Variants in PCM1 observed in about 807,000 individuals in gnomAD.
PCM1 encodes the protein pericentriolar material 1 protein.
Under a neutral mutation model 241.9 loss-of-function variants are expected in PCM1, and 157 were observed. The ratio of observed to expected loss-of-function variants is 0.65; its 90% confidence interval spans 0.57 to 0.74. The LOEUF (loss-of-function observed/expected upper bound fraction) is 0.74. PCM1 is among the 30% of genes least tolerant of loss of function. The probability of loss-of-function intolerance (pLI) is 0.00; values close to 1 mark genes in which losing one functional copy is unlikely to be tolerated. For synonymous variants in PCM1, 1,085 were observed against 784.9 expected (o/e 1.38, Z -6.39); for missense variants, 3,478 against 2,360.1 (o/e 1.47, Z -9.81).
intron 31 of PCM1, among the ~76,000 whole-genome samples, chr8:18,010,317 G>A (rs747961051): frequency 1.3e-5 from 2 of 152,142 alleles, no homozygotes; most frequent in Admixed American, 1.3e-4. Context: ...AAGGAAACAA[G>A]CCAAGACCCA....
intron 32 of PCM1, 36 bp downstream of exon 32, chr8:18,010,704 TG>T: frequency 6.8e-7 from 1 of 1,469,124 alleles, no homozygotes. Context: ...AAAATATGGC[TG>T]GGCGCGGTGG....
At chr8:18,008,180 C>G (rs907804306) in intron 30 of PCM1, among the ~76,000 whole-genome samples, 24 of 152,090 alleles carry the variant, frequency 1.6e-4, no homozygotes, top group African/African-American at 5.8e-4. Context: ...TTTACAGTCC[C>G]TCCCCACGGC....
At chr8:17,958,025 G>A (rs535530393) in intron 13 of PCM1, among the ~76,000 whole-genome samples, 3 of 152,114 alleles carry the variant, frequency 2.0e-5, no homozygotes, top group Admixed American at 2.0e-4. Context: ...CAATGCAAAA[G>A]CAGCCATACA....
At chr8:18,011,137 T>G in intron 32 of PCM1, 100 bp from the exon 33 acceptor site, 1 of 769,406 alleles carries the variant, frequency 1.3e-6, no homozygotes. Flanking sequence ...TTCTTTGTAT[T>G]TTTTATTAGA....
intron 29 of PCM1, 39 bp from the exon 30 acceptor site, chr8:18,006,211 TTTTTTAAACAATA>T: frequency 2.1e-6 from 3 of 1,429,312 alleles, no homozygotes; most frequent in East Asian, 4.9e-5. Flanking sequence ...TTGATTTTCT[TTTTTTAAACAATA>T]GGTAAGTTTA....
Position 17,937,306 on chromosome 8 carries a change from G to C in PCM1, c.269G>C (p.Ser90Thr), listed in dbSNP as rs369932476. 47 of 1,609,608 alleles carry C rather than the reference G, an allele frequency of 2.9e-5. No homozygotes were observed. The highest frequency in any genetic ancestry group is 3.9e-5 in the Non-Finnish European group (46 of 1,177,144). The change falls in exon 4 of 39, where the codon AGT (serine) becomes ACT (threonine). Residue 90 changes from serine to threonine, a missense_variant. Coordinates refer to ENST00000325083, the MANE Select transcript of PCM1 (RefSeq NM_006197.4). ...ACGTTCCCACACAGTAGATACATGAGTCAGATGTCTGTCCCAGAGCAGGCA... is the reference window on the plus strand; with the variant it reads ...ACGTTCCCACACAGTAGATACATGACTCAGATGTCTGTCCCAGAGCAGGCA... ...PHTFPHSRYM[S>T]QMSVPEQAEL...
At chr8:17,949,344 C>T (rs117776347) in intron 7 of PCM1, among the ~76,000 whole-genome samples, 1 of 151,952 alleles carries the variant, frequency 6.6e-6, no homozygotes, top group Non-Finnish European at 1.5e-5. Context: ...TAACAAGTTA[C>T]ATATAATTAC....
chr8:17,928,646 A>C (rs1417265890), intron 2 of PCM1, among the ~76,000 whole-genome samples: 4 of 90,836 alleles, frequency 4.4e-5, no homozygotes, highest in South Asian at 3.5e-4. Flanking sequence ...TTTTTTTTTA[A>C]AGTGAGGCGG....
At chr8:17,941,173 A>G (rs2061907751) in intron 6 of PCM1, among the ~76,000 whole-genome samples, 1 of 152,126 alleles carries the variant, frequency 6.6e-6, no homozygotes, top group Non-Finnish European at 1.5e-5. Flanking sequence ...TTTTCTATTT[A>G]CAGTGGTGCG....
intron 15 of PCM1, among the ~76,000 whole-genome samples, chr8:17,961,190 G>T (rs1394972682): frequency 6.6e-6 from 1 of 151,892 alleles, no homozygotes; most frequent in Non-Finnish European, 1.5e-5. Context: ...CTTATACATG[G>T]GTCTTGAGAT....
chr8:17,966,240 T>C (rs1266216019), intron 19 of PCM1, 22 bp downstream of exon 19: 14 of 1,608,628 alleles, frequency 8.7e-6, no homozygotes, highest in Non-Finnish European at 1.2e-5. Flanking sequence ...TATGAAAGTA[T>C]ATTTTTCGTC....
chr8:17,935,382 C>T (rs945455587), intron 2 of PCM1, among the ~76,000 whole-genome samples: 11 of 152,222 alleles, frequency 7.2e-5, no homozygotes, highest in African/African-American at 2.7e-4. Context: ...TCCTTTCCTT[C>T]TCTGTCATTC....
chr8:17,977,776 G>T (rs1364391354), intron 23 of PCM1, among the ~76,000 whole-genome samples: 1 of 152,182 alleles, frequency 6.6e-6, no homozygotes, highest in African/African-American at 2.4e-5. Context: ...TCCTCTCATT[G>T]TCTTGATGAG....
rs543144578 is a variant in PCM1 at position 17,956,743 on chromosome 8, G to A, written c.1612G>A (p.Glu538Lys). The A allele has an allele frequency of 3.1e-6, 5 of 1,608,960 alleles. No individual in the cohort carries two copies. The South Asian group carries it at 4.4e-5, about 14-fold the overall frequency. ...EETEESEYDS[E>K]HENSEPVTNI... ...AACTGAAGAGTCAGAATATGATTCT[G>A]AGCATGAAAATTCCGAGCCTGTTAC... Residue 538 changes from glutamate to lysine, a missense_variant, in exon 11 of 39, where the codon GAG (glutamate) becomes AAG (lysine). By Grantham distance (56) the Glu-to-Lys change is moderately conservative (BLOSUM62 1). Coordinates refer to ENST00000325083, the MANE Select transcript of PCM1 (RefSeq NM_006197.4).
chr8:18,022,708 T>C (rs2093853800), intron 36 of PCM1, among the ~76,000 whole-genome samples: 1 of 152,224 alleles, frequency 6.6e-6, no homozygotes, highest in Non-Finnish European at 1.5e-5. Context: ...TCTCCCTATA[T>C]GCAGTCAGAC....
At chr8:17,984,518 T>TA (rs1291999173) in intron 24 of PCM1, among the ~76,000 whole-genome samples, 3 of 151,688 alleles carry the variant, frequency 2.0e-5, no homozygotes, top group Non-Finnish European at 4.4e-5. Flanking sequence ...ATTGATATCT[T>TA]ATATTAGTAA....
chr8:17,966,318 C>G lies in PCM1; in HGVS notation c.3076-10C>G, dbSNP rs1179041173. 5 of 1,612,982 alleles carry G rather than the reference C, an allele frequency of 3.1e-6. No homozygotes were observed. In the Admixed American group the frequency reaches 5.0e-5, roughly 16 times the overall value. On this transcript the variant is annotated splice_polypyrimidine_tract_variant and intron_variant, in intron 19 of 38. Transcript: ENST00000325083. ...ATCAGTAACTATTAACAAACATTTT[C>G]TTTCAATAGACTCTATCTTGTCTGC... is the stretch of plus-strand genomic sequence containing the variant.
intron 36 of PCM1, among the ~76,000 whole-genome samples, chr8:18,023,034 AGT>A (rs1208288127): frequency 6.6e-6 from 1 of 152,192 alleles, no homozygotes; most frequent in Non-Finnish European, 1.5e-5. Flanking sequence ...TCTACCTGGC[AGT>A]GTGCAGATGC....
chr8:18,024,013 T>A (rs1006981251), intron 36 of PCM1, among the ~76,000 whole-genome samples: 1 of 152,186 alleles, frequency 6.6e-6, no homozygotes, highest in Non-Finnish European at 1.5e-5. Context: ...AAAATTAAAA[T>A]GGAGATCAGG....
Sources: allele counts gnomAD v4.1 joint callset (sites outside exome capture counted in the v4.1 genomes callset), GRCh38; gene constraint gnomAD v4.1.1; transcripts MANE v1.5; gene names NCBI Gene and HGNC (gene_info 2026-07-23, HGNC 2026-07-21).